Variants in ZNF462 observed in about 807,000 individuals in gnomAD.
ZNF462 encodes the protein zinc finger PBX1-interacting protein.
In ZNF462, 10 loss-of-function variants were observed where a neutral mutation model predicts 201.9. The ratio of observed to expected loss-of-function variants is 0.05; its 90% confidence interval spans 0.03 to 0.08. The LOEUF is 0.08. Among genes scored for constraint, ZNF462 ranks in the 10% least tolerant of loss-of-function variants. ZNF462 has a pLI of 1.00. For synonymous variants in ZNF462, 1,227 were observed against 1,193.3 expected (o/e 1.03, Z -0.58); for missense variants, 2,523 against 3,168.3 (o/e 0.80, Z 4.89).
chr9:106,912,158 T>C (rs778706195), intron 1 of ZNF462, among the ~76,000 whole-genome samples: 1 of 152,196 alleles, frequency 6.6e-6, no homozygotes, highest in Non-Finnish European at 1.5e-5. Context: ...AGTGACTTTG[T>C]TGGCAGTGCA....
rs1428610575 is a variant in ZNF462, at chr9:106,872,012, C to G, written c.-31+8657C>G. On this transcript the variant is annotated intron_variant, in intron 1 of 12. Coordinates refer to ENST00000277225, the MANE Select transcript of ZNF462 (RefSeq NM_021224.6). The surrounding 1 kb of genome is among the most constrained non-coding windows in gnomAD (Gnocchi z 4.5). Reference sequence around the variant, plus strand: ...AGCCAAGCGTCACAGGCTGGTCTGTCCTTCCAGTCCCAGCATTTTAAAATC... The same window carrying G: ...AGCCAAGCGTCACAGGCTGGTCTGTGCTTCCAGTCCCAGCATTTTAAAATC... 6.6e-6 allele frequency among the ~76,000 whole-genome samples: 1 copy of G among 152,180 alleles called. No individual in the cohort carries two copies.
At chr9:106,867,937 G>A (rs1010978602) in intron 1 of ZNF462, among the ~76,000 whole-genome samples, 5 of 152,142 alleles carry the variant, frequency 3.3e-5, no homozygotes, top group Non-Finnish European at 5.9e-5. Context: ...TCATAATGCC[G>A]CAGTCACAAA....
chr9:106,908,184 T>G (rs1375786872), intron 1 of ZNF462, among the ~76,000 whole-genome samples: 1 of 152,144 alleles, frequency 6.6e-6, no homozygotes, highest in Non-Finnish European at 1.5e-5. Flanking sequence ...AAAATATGTT[T>G]TCTATTTCCA....
Position 106,929,438 on chromosome 9 carries a change from G to T in ZNF462, c.5526G>T (p.Glu1842Asp). The change falls in exon 3 of 13, where the codon GAG becomes GAT. Residue 1842 changes from glutamate to aspartate, a missense_variant. Coordinates refer to ENST00000277225, the MANE Select transcript of ZNF462 (RefSeq NM_021224.6). This position sits in a 1 kb window ranked among gnomAD's most constrained non-coding sequence, Gnocchi z 8.7. Reference protein sequence around the residue: ...AEVEGEAQEIEWLPFRCIKCF... With the variant: ...AEVEGEAQEIDWLPFRCIKCF... ...TGGAGGGTGAAGCTCAGGAAATCGA[G>T]TGGCTCCCATTCCGCTGCATCAAAT... is the stretch of plus-strand genomic sequence containing the variant. 6.2e-7 allele frequency: 1 copy of T among 1,614,120 alleles called. No individual in the cohort carries two copies.
rs397893745 is a variant in ZNF462 at position 107,012,105 on chromosome 9, C to CTTTTT, written c.*1095_*1099dup. On this transcript the variant is annotated 3_prime_UTR_variant, in exon 13 of 13. Coordinates refer to ENST00000277225, the MANE Select transcript of ZNF462 (RefSeq NM_021224.6). ...TGGAAATAACAAAGAAGTTAACTTT[C>CTTTTT]TTTTTTTTTTTTTTTTTTTTTTTTA... 680 of 92,860 alleles carry CTTTTT rather than the reference C, an allele frequency of 7.3e-3. 1 individual carries two copies. The highest frequency in any genetic ancestry group is 0.014 in the East Asian group (34 of 2,490). The allele number at this position is 92,860 out of a possible 1,614,324, so 5.8% of individuals were successfully genotyped here. A position where few individuals can be genotyped will look rare whatever the true frequency, so the allele number is the denominator to read the frequency against.
At chr9:106,939,920 AC>A (rs1830795186) in intron 7 of ZNF462, among the ~76,000 whole-genome samples, 1 of 152,208 alleles carries the variant, frequency 6.6e-6, no homozygotes, top group Non-Finnish European at 1.5e-5. Context: ...TTCGAGGTAG[AC>A]CTGCTCTCTT....
intron 7 of ZNF462, among the ~76,000 whole-genome samples, chr9:106,952,567 A>C (rs879784191): frequency 6.6e-6 from 1 of 152,162 alleles, no homozygotes; most frequent in Non-Finnish European, 1.5e-5. Context: ...GTTGATATAA[A>C]TTTATCTGAA....
intron 7 of ZNF462, among the ~76,000 whole-genome samples, chr9:106,941,234 C>T (rs566839601): frequency 3.3e-5 from 5 of 152,256 alleles, no homozygotes; most frequent in East Asian, 3.9e-4. Context: ...GTACTATGCA[C>T]GGAAGAATCA....
At chr9:106,948,503 G>A (rs974643063) in intron 7 of ZNF462, among the ~76,000 whole-genome samples, 9 of 152,106 alleles carry the variant, frequency 5.9e-5, no homozygotes, top group African/African-American at 1.7e-4. Flanking sequence ...ATACCAACTC[G>A]TGACTAACGA....
chr9:106,903,692 T>C (rs2131211506), intron 1 of ZNF462, among the ~76,000 whole-genome samples: 1 of 152,362 alleles, frequency 6.6e-6, no homozygotes, highest in East Asian at 1.9e-4. Flanking sequence ...CTTTGTCTCC[T>C]TTAACCACTG....
Position 106,928,580 on chromosome 9 carries a change from T to C in ZNF462, c.4668T>C (p.Ala1556=), listed in dbSNP as rs1464447881. The change falls in exon 3 of 13, where the codon GCT becomes GCC. Residue 1556 remains alanine, a synonymous_variant. Transcript: ENST00000277225. The surrounding 1 kb of genome is among the most constrained non-coding windows in gnomAD (Gnocchi z 9.3). ...TTGTGCACGACGTAGAGCAGTCTGC[T>C]GACATATCCCAGAATGACGTGGAGG... ...EDFVHDVEQS[A]DISQNDVEET... is the part of the protein sequence containing the mutation. The C allele has an allele frequency of 6.2e-7, 1 of 1,614,086 alleles. No individual in the cohort carries two copies. Among genetic ancestry groups the C allele is most frequent in the Non-Finnish European group, 8.5e-7 (1 of 1,180,022 alleles).
At position 106,939,120 on chromosome 9, in the gene ZNF462, T is replaced by G; in HGVS notation, c.6427+13T>G. On this transcript the variant is annotated intron_variant, in intron 7 of 12. Coordinates refer to ENST00000277225, the MANE Select transcript of ZNF462 (RefSeq NM_021224.6). ...GAAGACTCCAATGGTAAAAATGGGCTTCCAAGCTGGAATTAACCACTCAGG... is the reference window on the plus strand; with the variant it reads ...GAAGACTCCAATGGTAAAAATGGGCGTCCAAGCTGGAATTAACCACTCAGG... The G allele has an allele frequency of 3.2e-6, 5 of 1,572,908 alleles. No homozygotes were observed. The highest frequency in any genetic ancestry group is 4.3e-6 in the Non-Finnish European group (5 of 1,159,658).
chr9:106,977,242 A>G lies in ZNF462; in HGVS notation c.6832+2969A>G, dbSNP rs1386176118. On this transcript the variant is annotated intron_variant, in intron 9 of 12. Coordinates refer to ENST00000277225, the MANE Select transcript of ZNF462 (RefSeq NM_021224.6). The surrounding 1 kb of genome is among the most constrained non-coding windows in gnomAD (Gnocchi z 4.6). Reference sequence around the variant, plus strand: ...CAATTTTGAGTTGGGGCTGATCTCAAAGTAACAAGACATGGCTCCTTCTGC... The same window carrying G: ...CAATTTTGAGTTGGGGCTGATCTCAGAGTAACAAGACATGGCTCCTTCTGC... 2.0e-5 allele frequency among the ~76,000 whole-genome samples: 3 copies of G among 147,224 alleles called. No homozygotes were observed. Among genetic ancestry groups the G allele is most frequent in the Non-Finnish European group, 4.4e-5 (3 of 67,994 alleles).
At chr9:106,979,734 A>G (rs188665846) in intron 9 of ZNF462, among the ~76,000 whole-genome samples, 1 of 147,406 alleles carries the variant, frequency 6.8e-6, no homozygotes, top group Admixed American at 6.6e-5. Flanking sequence ...CATTGGAAGC[A>G]CAATGTTTCA....
chr9:106,874,681 C>T (rs924112771), intron 1 of ZNF462, among the ~76,000 whole-genome samples: 2 of 152,138 alleles, frequency 1.3e-5, no homozygotes, highest in Non-Finnish European at 2.9e-5. Flanking sequence ...GGAATTGTAT[C>T]CTTCCACTTG....
At position 106,925,940 on chromosome 9, in the gene ZNF462, T is replaced by G. The variant is rs374677087; in HGVS notation, c.2028T>G (p.Ser676=). 12 of 1,613,988 alleles carry G rather than the reference T, an allele frequency of 7.4e-6. No individual in the cohort carries two copies. The Admixed American group carries it at 1.8e-4, about 25-fold the overall frequency. The part of the protein sequence containing the change: ...SSKNNFVAKA[S]RKLANDFPLD... Reference sequence around the variant, plus strand: ...AGAACAATTTTGTAGCTAAAGCCTCTAGGAAGCTCGCCAATGACTTTCCTC... The same window carrying G: ...AGAACAATTTTGTAGCTAAAGCCTCGAGGAAGCTCGCCAATGACTTTCCTC... Residue 676 remains serine, a synonymous_variant, in exon 3 of 13, where the codon TCT becomes TCG. Transcript: ENST00000277225. The surrounding 1 kb of genome is among the most constrained non-coding windows in gnomAD (Gnocchi z 7.9).
chr9:107,003,164 C>T lies in ZNF462; in HGVS notation c.7057-130C>T. On this transcript the variant is annotated intron_variant, in intron 10 of 12. Coordinates refer to ENST00000277225, the MANE Select transcript of ZNF462 (RefSeq NM_021224.6). This position sits in a 1 kb window ranked among gnomAD's most constrained non-coding sequence, Gnocchi z 4.4. ...AAACGAAGAAAAAGACCTCTTAGGC[C>T]CCGGAGTTGTTTGGTCCTGGTTGCA... 9 of 1,213,418 alleles carry T rather than the reference C, an allele frequency of 7.4e-6. No homozygotes were observed. The highest frequency in any genetic ancestry group is 1.0e-5 in the Non-Finnish European group (9 of 868,636). The allele number at this position is 1,213,418 out of a possible 1,614,324, so 75.2% of individuals were successfully genotyped here. A position where few individuals can be genotyped will look rare whatever the true frequency, so the allele number is the denominator to read the frequency against.
rs368106787 is a variant in ZNF462, at chr9:106,919,801, C to A, written c.-30-3553C>A. On this transcript the variant is annotated intron_variant, in intron 1 of 12. Transcript: ENST00000277225. The surrounding 1 kb of genome is among the most constrained non-coding windows in gnomAD (Gnocchi z 4.5). ...GATCATGATGGGTGGTGTTTAAAGT[C>A]TAGGCATCTGAGGTCTATTTGACCT... Among the ~76,000 whole-genome samples the A allele has an allele frequency of 5.9e-5, 9 of 152,186 alleles. No homozygotes were observed. Among genetic ancestry groups the A allele is most frequent in the African/African-American group, 2.2e-4 (9 of 41,462 alleles).
At chr9:106,975,787 A>G (rs1032285833) in intron 9 of ZNF462, 1 of 152,226 alleles carries the variant, frequency 6.6e-6, no homozygotes, top group African/African-American at 2.4e-5. Context: ...CCTGGCAGGA[A>G]CAGAGCTTTG....
Sources: allele counts gnomAD v4.1 joint callset (sites outside exome capture counted in the v4.1 genomes callset), GRCh38; gene constraint gnomAD v4.1.1; non-coding constraint Gnocchi (gnomAD v3.1); transcripts MANE v1.5; gene names NCBI Gene and HGNC (gene_info 2026-07-23, HGNC 2026-07-21).